ATP1B3: variants seen among roughly 807,000 people sequenced by gnomAD.
The protein encoded by ATP1B3 is sodium/potassium-transporting ATPase subunit beta-3.
A neutral mutation model predicts 30.2 loss-of-function variants in ATP1B3; 10 were observed. That is an observed-to-expected ratio of 0.33 (90% CI 0.20 to 0.56). The LOEUF is 0.56. Among genes scored for constraint, ATP1B3 ranks in the 20% least tolerant of loss-of-function variants. The pLI is 0.90. For missense variants in ATP1B3, 238 were observed against 336.7 expected (o/e 0.71, Z 2.29); for synonymous variants, 113 against 117.0 (o/e 0.97, Z 0.22).
chr3:141,885,020 TTAAC>T (rs1311742330), intron 1 of ATP1B3, among the ~76,000 whole-genome samples: 3 of 152,208 alleles, frequency 2.0e-5, no homozygotes, highest in Admixed American at 6.5e-5. Context: ...CTTAGATGTC[TTAAC>T]TAACTTTCAT....
intron 3 of ATP1B3, among the ~76,000 whole-genome samples, chr3:141,910,132 T>C (rs1934334224): frequency 6.6e-6 from 1 of 152,060 alleles, no homozygotes; most frequent in Non-Finnish European, 1.5e-5. Context: ...TCATCACGCC[T>C]GGCTAATTTT....
Position 141,917,863 on chromosome 3 carries a change from G to A in ATP1B3, c.582+1843G>A, listed in dbSNP as rs186566948. On this transcript the variant is annotated intron_variant, in intron 5 of 6. Transcript: ENST00000286371. ...GCTCACTGCAAGCTCCGCCTCCTGG[G>A]TTCACACCATTCTCCTGCCTCAGCC... Among the ~76,000 whole-genome samples the A allele has an allele frequency of 3.6e-3, 550 of 151,830 alleles. 3 individuals are homozygous for A. Among genetic ancestry groups the A allele is most frequent in the Middle Eastern group, 0.014 (4 of 294 alleles).
intron 1 of ATP1B3, among the ~76,000 whole-genome samples, chr3:141,896,699 C>A (rs529753393): frequency 6.6e-6 from 1 of 151,968 alleles, no homozygotes; most frequent in South Asian, 2.1e-4. Flanking sequence ...TTAAGCTTTT[C>A]TACTAAGTTT....
chr3:141,910,099 G>A lies in ATP1B3; in HGVS notation c.346+2825G>A, dbSNP rs138164510. ...TGATCCTCCTGCCTCAGCCTCTTGA[G>A]TAGTTAGGAATACAGGCTCACATCA... On this transcript the variant is annotated intron_variant, in intron 3 of 6. Coordinates refer to ENST00000286371, the MANE Select transcript of ATP1B3 (RefSeq NM_001679.4). Among the ~76,000 whole-genome samples, 61 of 152,216 alleles carry A rather than the reference G, an allele frequency of 4.0e-4. 1 individual carries two copies. The highest frequency in any genetic ancestry group is 1.4e-3 in the African/African-American group (57 of 41,518).
intron 5 of ATP1B3, among the ~76,000 whole-genome samples, chr3:141,919,665 G>A (rs751616530): frequency 5.3e-5 from 8 of 152,138 alleles, no homozygotes; most frequent in Non-Finnish European, 8.8e-5. Context: ...ATTGCCGGAC[G>A]CGGTGGCTTT....
chr3:141,912,358 G>A (rs1458020417), intron 3 of ATP1B3, among the ~76,000 whole-genome samples: 2 of 152,098 alleles, frequency 1.3e-5, no homozygotes, highest in African/African-American at 2.4e-5. Context: ...CTGAGTTCAA[G>A]CGATTCTCCT....
chr3:141,878,122 C>G (rs907207425), intron 1 of ATP1B3, among the ~76,000 whole-genome samples: 2 of 152,066 alleles, frequency 1.3e-5, no homozygotes, highest in Non-Finnish European at 2.9e-5. Flanking sequence ...AGCCCAACCC[C>G]CACTTTAGAG....
intron 1 of ATP1B3, among the ~76,000 whole-genome samples, chr3:141,893,231 A>G (rs1933992628): frequency 6.6e-6 from 1 of 151,896 alleles, no homozygotes; most frequent in Non-Finnish European, 1.5e-5. Flanking sequence ...CTGGTCTCGA[A>G]CTCCTGATCT....
At chr3:141,916,214 A>G (rs1672276144) in intron 5 of ATP1B3, among the ~76,000 whole-genome samples, 194 bp downstream of exon 5, 1 of 152,108 alleles carries the variant, frequency 6.6e-6, no homozygotes, top group Non-Finnish European at 1.5e-5. Context: ...TTCCATGTGT[A>G]TTTGATTTTG....
intron 1 of ATP1B3, among the ~76,000 whole-genome samples, chr3:141,892,310 A>G (rs186389199): frequency 1.3e-5 from 2 of 152,180 alleles, no homozygotes; most frequent in African/African-American, 4.8e-5. Context: ...TAATAATGCC[A>G]TATCTACATT....
intron 5 of ATP1B3, 23 bp from the exon 6 acceptor site, chr3:141,921,954 A>AT (rs757104102): frequency 7.4e-7 from 1 of 1,345,730 alleles, no homozygotes. Flanking sequence ...CCTAAAGAGG[A>AT]TTTCTTTTGT....
At chr3:141,889,724 G>A (rs1158425464) in intron 1 of ATP1B3, among the ~76,000 whole-genome samples, 2 of 79,208 alleles carry the variant, frequency 2.5e-5, no homozygotes, top group Admixed American at 1.9e-4. Context: ...GCGAGACTCC[G>A]TCTCAAAAAA....
Position 141,903,625 on chromosome 3 carries a change from A to G in ATP1B3, c.115A>G (p.Ile39Val), listed in dbSNP as rs1244569411. ...LGRTAKSWGL[I>V]LLFYLVFYGF... ...AGTTTTATTTTCTTTTACAGGTTTG[A>G]TCTTGCTCTTCTACCTAGTTTTTTA... The change falls in exon 2 of 7, where the codon ATC becomes GTC. Residue 39 changes from isoleucine to valine, a missense_variant. Transcript: ENST00000286371. 1 of 1,613,664 alleles carries G rather than the reference A, an allele frequency of 6.2e-7. No individual in the cohort carries two copies.
At chr3:141,880,719 A>AC (rs1158601550) in intron 1 of ATP1B3, among the ~76,000 whole-genome samples, 1 of 152,194 alleles carries the variant, frequency 6.6e-6, no homozygotes, top group East Asian at 1.9e-4. Context: ...ATATATAGAT[A>AC]CCCCAGTGTA....
chr3:141,891,938 G>A (rs1352144146), intron 1 of ATP1B3, among the ~76,000 whole-genome samples: 1 of 145,024 alleles, frequency 6.9e-6, no homozygotes, highest in African/African-American at 2.5e-5. Context: ...TTTTGTTTTT[G>A]TAATGTAAGT....
chr3:141,888,924 T>A (rs542921299), intron 1 of ATP1B3, among the ~76,000 whole-genome samples: 1 of 152,246 alleles, frequency 6.6e-6, no homozygotes, highest in African/African-American at 2.4e-5. Flanking sequence ...TTATAAATTA[T>A]CCAGTCTCTG....
chr3:141,919,633 T>A (rs138693069), intron 5 of ATP1B3, among the ~76,000 whole-genome samples: 279 of 152,298 alleles, frequency 1.8e-3, no homozygotes, highest in African/African-American at 6.4e-3. Context: ...AGTTAGTTGC[T>A]CATAGTTTAC....
At chr3:141,913,928 C>T in intron 4 of ATP1B3, 92 bp downstream of exon 4, 8 of 1,232,168 alleles carry the variant, frequency 6.5e-6, no homozygotes, top group Non-Finnish European at 8.9e-6. Flanking sequence ...TGGGTTAATG[C>T]CTTCCTTATT....
In ATP1B3 at chr3:141,907,166, G is replaced by C; in HGVS notation, c.239-1G>C. The C allele has an allele frequency of 6.2e-7, 1 of 1,604,292 alleles. No homozygotes were observed. The highest frequency in any genetic ancestry group is 8.5e-7 in the Non-Finnish European group (1 of 1,174,010). On this transcript the variant is annotated splice_acceptor_variant, in intron 2 of 6. Transcript: ENST00000286371. LOFTEE classifies it high-confidence loss of function. ...AATCTCTCCCTTTTATGTCTTTATA[G>C]GACTCATGGTTTTTCCAAAACCAGT...
Sources: gnomAD v4.1 joint callset for allele counts (sites outside exome capture counted in the v4.1 genomes callset) on GRCh38, gnomAD v4.1.1 for gene constraint, MANE v1.5 for transcripts, NCBI Gene and HGNC (gene_info 2026-07-23, HGNC 2026-07-21) for gene names.